NPHP4: variants seen among roughly 807,000 people sequenced by gnomAD.
NPHP4 encodes nephrocystin-4.
In NPHP4, 151 loss-of-function variants were observed where a neutral mutation model predicts 155.8. The observed-to-expected ratio is 0.97, with a 90% CI of 0.85 to 1.11. NPHP4 has a LOEUF of 1.11. Among genes scored for constraint, NPHP4 ranks in the 50% least tolerant of loss-of-function variants. The probability of loss-of-function intolerance (pLI) is 0.00; values close to 1 mark genes in which losing one functional copy is unlikely to be tolerated. For synonymous variants in NPHP4, 845 were observed against 816.8 expected, an observed-to-expected ratio of 1.03 and a Z score of -0.59; for missense variants, 1,956 against 1,925.7, an observed-to-expected ratio of 1.02 and a Z score of -0.29.
At position 5,967,308 on chromosome 1, in the gene NPHP4, G is replaced by A. The variant is rs1052194098; in HGVS notation, c.508C>T (p.Pro170Ser). Residue 170 changes from proline to serine, a missense_variant, in exon 5 of 30, where the codon CCC becomes TCC. Physicochemically the swap from Pro to Ser is moderately conservative, Grantham distance 74. Coordinates refer to ENST00000378156, the MANE Select transcript of NPHP4 (RefSeq NM_015102.5). ...CAGGTCTGGCTCTTACGCTCTGCGG[G>A]GTCCTGGAGAAGCGGGTGCAGGAGG... is the stretch of plus-strand genomic sequence containing the variant. ...RALLHPLLQD[P>S]AEQNRHMTLI... 4 of 1,604,262 alleles carry A rather than the reference G, an allele frequency of 2.5e-6. No individual in the cohort carries two copies. Among genetic ancestry groups the A allele is most frequent in the Non-Finnish European group, 3.4e-6 (4 of 1,175,986 alleles).
chr1:5,967,595 T>C (rs1406411097), intron 4 of NPHP4, among the ~76,000 whole-genome samples: 1 of 152,198 alleles, frequency 6.6e-6, no homozygotes, highest in Admixed American at 6.5e-5. Context: ...AGCCTGAGAA[T>C]TGAGGAGCTT....
chr1:5,893,015 C>T (rs999091375), intron 16 of NPHP4, among the ~76,000 whole-genome samples: 2 of 152,176 alleles, frequency 1.3e-5, no homozygotes, highest in African/African-American at 4.8e-5. Context: ...GAATGAGTGA[C>T]AATCTAGAAG....
At chr1:5,951,974 T>A (rs527442186) in intron 7 of NPHP4, among the ~76,000 whole-genome samples, 42 of 152,194 alleles carry the variant, frequency 2.8e-4, no homozygotes, top group African/African-American at 1.0e-3. Context: ...GACGCAGACA[T>A]CCCTCCCAGG....
At chr1:5,920,600 C>G (rs1472380071) in intron 11 of NPHP4, among the ~76,000 whole-genome samples, 1 of 152,204 alleles carries the variant, frequency 6.6e-6, no homozygotes, top group South Asian at 2.1e-4. Context: ...CAGGCAGCCC[C>G]GAGCACCTGG....
At chr1:5,865,380 G>A (rs1039488961) in intron 26 of NPHP4, 107 bp from the exon 27 acceptor site, 1 of 1,072,122 alleles carries the variant, frequency 9.3e-7, no homozygotes, top group African/African-American at 1.6e-5. Flanking sequence ...AGGCTGTGCA[G>A]GGAAAGCCCC....
In NPHP4 at chr1:5,933,159, C is replaced by T. The variant is rs1425004137; in HGVS notation, c.1290G>A (p.Met430Ile). ...CLVYKVPSAS[M>I]SSEEVKQVES... Reference sequence around the variant, plus strand: ...CCTAATAATTTACCTCTTCAGAGCTCATGCTGGCTGAGGGTACCTTGTAGA... The same window carrying T: ...CCTAATAATTTACCTCTTCAGAGCTTATGCTGGCTGAGGGTACCTTGTAGA... Residue 430 changes from methionine to isoleucine, a missense_variant, in exon 10 of 30, where the codon ATG becomes ATA. Coordinates refer to ENST00000378156, the MANE Select transcript of NPHP4 (RefSeq NM_015102.5). The T allele has an allele frequency of 6.3e-7, 1 of 1,590,816 alleles. No individual in the cohort carries two copies. The highest frequency in any genetic ancestry group is 8.6e-7 in the Non-Finnish European group (1 of 1,164,062).
At position 5,952,763 on chromosome 1, in the gene NPHP4, G is replaced by GT; in HGVS notation, c.746dup (p.Tyr249Ter). The change falls in exon 7 of 30, where the codon TAC becomes TAAC. Residue 249 changes from tyrosine to a stop codon, truncating the protein, a stop_gained and frameshift_variant. Transcript: ENST00000378156. LOFTEE classifies it high-confidence loss of function. ...GHLDDLFFTL[Y>*]PSLEKFEEEL... ...CTTCCTCAAACTTCTCCAGGGAGGG[G>GT]TACAGGGTGAAGAATAAGTCATCCA... 1 of 1,579,386 alleles carries GT rather than the reference G, an allele frequency of 6.3e-7. No homozygotes were observed. The highest frequency in any genetic ancestry group is 8.6e-7 in the Non-Finnish European group (1 of 1,162,324).
intron 3 of NPHP4, among the ~76,000 whole-genome samples, chr1:5,978,015 C>A (rs1386464591): frequency 2.0e-5 from 3 of 150,806 alleles, no homozygotes; most frequent in Non-Finnish European, 4.4e-5. Context: ...GGTGACAAGA[C>A]CCCCATTCCC....
At chr1:5,990,137 C>T (rs1228314753) in intron 1 of NPHP4, among the ~76,000 whole-genome samples, 1 of 152,210 alleles carries the variant, frequency 6.6e-6, no homozygotes, top group Non-Finnish European at 1.5e-5. Context: ...CACCTCTGCT[C>T]TGGCCTCTAG....
At chr1:5,874,373 C>T in intron 22 of NPHP4, 98 bp downstream of exon 22, 1 of 1,203,998 alleles carries the variant, frequency 8.3e-7, no homozygotes, top group South Asian at 1.6e-5. Flanking sequence ...AGTCTGTCTG[C>T]ACAGGTAAGG....
chr1:5,880,182 C>G lies in NPHP4; in HGVS notation c.2543G>C (p.Arg848Pro), dbSNP rs398124288. The change falls in exon 19 of 30, where the codon CGG becomes CCG. Residue 848 changes from arginine (R) to proline (P), a missense_variant. Transcript: ENST00000378156. ...GCSTLPPSRS[R>P]VISNDGASRF... ...GCTGGCTCCATCGTTTGAGATGACCCGAGATCTGGACGGTGGCAATGTGCT... is the reference window on the plus strand; with the variant it reads ...GCTGGCTCCATCGTTTGAGATGACCGGAGATCTGGACGGTGGCAATGTGCT... 6.8e-6 allele frequency: 11 copies of G among 1,613,694 alleles called. No homozygotes were observed. The highest frequency in any genetic ancestry group is 1.1e-5 in the South Asian group (1 of 90,998).
intron 20 of NPHP4, 50 bp downstream of exon 20, chr1:5,877,043 C>T (rs1477989564): frequency 8.2e-7 from 1 of 1,218,146 alleles, no homozygotes; most frequent in Non-Finnish European, 1.1e-6. Context: ...TGCACAGTGA[C>T]TCAGTCTGCA....
chr1:5,952,885 C>T, intron 6 of NPHP4, 49 bp from the exon 7 acceptor site: 3 of 1,523,906 alleles, frequency 2.0e-6, no homozygotes, highest in Non-Finnish European at 2.6e-6. Context: ...ATAAAACACC[C>T]ACTGGCAGCC....
intron 11 of NPHP4, among the ~76,000 whole-genome samples, chr1:5,916,650 A>C (rs957685214): frequency 1.3e-5 from 2 of 152,252 alleles, no homozygotes; most frequent in Admixed American, 1.3e-4. Context: ...CTCTCTGCCA[A>C]GGATATGACA....
At chr1:5,950,780 A>T (rs1186182982) in intron 7 of NPHP4, among the ~76,000 whole-genome samples, 3 of 152,190 alleles carry the variant, frequency 2.0e-5, no homozygotes, top group Non-Finnish European at 2.9e-5. Flanking sequence ...TTTCCAAAAA[A>T]GTCCCTTTTA....
intron 23 of NPHP4, among the ~76,000 whole-genome samples, chr1:5,869,263 ACATG>A (rs925774823): frequency 1.2e-3 from 174 of 148,004 alleles, no homozygotes; most frequent in African/African-American, 4.0e-3. Flanking sequence ...ATGCACACCC[ACATG>A]CATGCATGCA....
At chr1:5,981,049 G>A (rs1167446021) in intron 2 of NPHP4, among the ~76,000 whole-genome samples, 1 of 152,134 alleles carries the variant, frequency 6.6e-6, no homozygotes, top group African/African-American at 2.4e-5. Context: ...GCTCTCTGAG[G>A]ACACAAGCCT....
chr1:5,941,062 C>G (rs1646789230), intron 9 of NPHP4, among the ~76,000 whole-genome samples: 1 of 151,950 alleles, frequency 6.6e-6, no homozygotes, highest in Non-Finnish European at 1.5e-5. Context: ...ACAGAGCCTC[C>G]AAAATTAAAA....
chr1:5,880,022 C>A, intron 19 of NPHP4, 92 bp downstream of exon 19: 12 of 1,402,990 alleles, frequency 8.6e-6, no homozygotes, highest in Non-Finnish European at 9.9e-6. Flanking sequence ...CACACATGCA[C>A]ACACGCATGC....
Sources: allele counts gnomAD v4.1 joint callset (sites outside exome capture counted in the v4.1 genomes callset), GRCh38; gene constraint gnomAD v4.1.1; transcripts MANE v1.5; gene names NCBI Gene and HGNC (gene_info 2026-07-23, HGNC 2026-07-21).